VASH1: variants seen among roughly 807,000 people sequenced by gnomAD.
The protein encoded by VASH1 is vasohibin 1, also known as tubulinyl-Tyr carboxypeptidase 1.
Under a neutral mutation model 35.0 loss-of-function variants are expected in VASH1, and 16 were observed. That is an observed-to-expected ratio of 0.46 (90% CI 0.31 to 0.70). The LOEUF (loss-of-function observed/expected upper bound fraction) is 0.70. VASH1 is among the 30% of genes least tolerant of loss of function. The pLI is 0.05. For synonymous variants in VASH1, 214 were observed against 200.9 expected (o/e 1.07, Z -0.55); for missense variants, 505 against 510.7 (o/e 0.99, Z 0.11).
Position 76,761,739 on chromosome 14 carries a change from G to A in VASH1, c.-1083G>A, listed in dbSNP as rs921348652. 8.6e-5 allele frequency among the ~76,000 whole-genome samples: 13 copies of A among 151,878 alleles called. No individual in the cohort carries two copies. The highest frequency in any genetic ancestry group is 2.1e-4 in the South Asian group (1 of 4,834). On this transcript the variant is annotated 5_prime_UTR_variant, in exon 1 of 7. Transcript: ENST00000167106. ...CCGGGCTTGCGGTCCCCGCCCCGCG[G>A]TCCTTCCTCCACCCTCAGCCAGGGC... is the stretch of plus-strand genomic sequence containing the variant.
intron 3 of VASH1, among the ~76,000 whole-genome samples, chr14:76,772,321 T>G (rs1285578486): frequency 6.6e-6 from 1 of 152,244 alleles, no homozygotes; most frequent in Non-Finnish European, 1.5e-5. Context: ...TTTGCTTCTT[T>G]GTGAAAATGC....
rs1894029087 is a variant in VASH1, at chr14:76,779,088, T to C, written c.*70T>C. 2.6e-6 allele frequency: 4 copies of C among 1,530,958 alleles called. No individual in the cohort carries two copies. The highest frequency in any genetic ancestry group is 3.6e-6 in the Non-Finnish European group (4 of 1,108,558). 94.8% of individuals were successfully genotyped at this position (1,530,958 alleles called of 1,614,324 possible). A position where few individuals can be genotyped will look rare whatever the true frequency, so the allele number is the denominator to read the frequency against. On this transcript the variant is annotated 3_prime_UTR_variant, in exon 7 of 7. Transcript: ENST00000167106. ...GATCCACCTGCTGGAACCAGCCTTA[T>C]GCATGGGGAAGGCGGGGCTGGTGAC...
chr14:76,779,056 G>C lies in VASH1; in HGVS notation c.*38G>C, dbSNP rs780783241. 2.5e-6 allele frequency: 4 copies of C among 1,609,150 alleles called. No homozygotes were observed. In the East Asian group the frequency reaches 8.9e-5, roughly 36 times the overall value. Reference sequence around the variant, plus strand: ...CACCCCAGGCCCCACCCACTCTTGGGGGCCAGGATCCACCTGCTGGAACCA... The same window carrying C: ...CACCCCAGGCCCCACCCACTCTTGGCGGCCAGGATCCACCTGCTGGAACCA... On this transcript the variant is annotated 3_prime_UTR_variant, in exon 7 of 7. Coordinates refer to ENST00000167106, the MANE Select transcript of VASH1 (RefSeq NM_014909.5).
intron 1 of VASH1, among the ~76,000 whole-genome samples, chr14:76,765,271 A>T (rs1006760033): frequency 6.6e-6 from 1 of 152,224 alleles, no homozygotes; most frequent in South Asian, 2.1e-4. Context: ...TGTACAGGAA[A>T]GACACGGATG....
intron 4 of VASH1, chr14:76,773,946 T>C (rs1329174537): frequency 6.6e-6 from 1 of 152,258 alleles, no homozygotes; most frequent in Non-Finnish European, 1.5e-5. Flanking sequence ...GTTACTCAGC[T>C]TCACCAACTC....
At chr14:76,770,423 T>C (rs1342915206) in intron 2 of VASH1, among the ~76,000 whole-genome samples, 1 of 152,102 alleles carries the variant, frequency 6.6e-6, no homozygotes, top group African/African-American at 2.4e-5. Flanking sequence ...GGAGCTGCCT[T>C]GGGGCTTTTA....
intron 1 of VASH1, among the ~76,000 whole-genome samples, chr14:76,767,497 G>A (rs560640366): frequency 3.9e-5 from 6 of 152,248 alleles, no homozygotes; most frequent in East Asian, 1.9e-4. Flanking sequence ...TCCTGGAGCC[G>A]GGGGAATCCT....
intron 4 of VASH1, chr14:76,774,416 TC>T (rs1031840953): frequency 2.0e-5 from 3 of 152,150 alleles, no homozygotes; most frequent in Non-Finnish European, 4.4e-5. Flanking sequence ...CGTTCACTTC[TC>T]CCTCAGGGGT....
intron 1 of VASH1, among the ~76,000 whole-genome samples, chr14:76,763,818 C>T (rs1026502984): frequency 9.8e-4 from 150 of 152,304 alleles, no homozygotes; most frequent in African/African-American, 3.4e-3. Flanking sequence ...TGTAACTCCT[C>T]CTCCATGACA....
At chr14:76,777,328 A>G (rs1319863949) in intron 5 of VASH1, among the ~76,000 whole-genome samples, 4 of 152,130 alleles carry the variant, frequency 2.6e-5, no homozygotes, top group Non-Finnish European at 4.4e-5. Flanking sequence ...CTTGCTCCTC[A>G]GTTTGCTATT....
At chr14:76,767,119 C>G (rs780400412) in intron 1 of VASH1, among the ~76,000 whole-genome samples, 18 of 151,964 alleles carry the variant, frequency 1.2e-4, no homozygotes, top group Non-Finnish European at 2.1e-4. Context: ...GTGGTGCATG[C>G]CTGTGATCCT....
rs748632716 is a variant in VASH1 at position 76,776,095 on chromosome 14, C to T, written c.734C>T (p.Ala245Val). Residue 245 changes from alanine (A) to valine (V), a missense_variant, in exon 5 of 7, where the codon GCC becomes GTC. Coordinates refer to ENST00000167106, the MANE Select transcript of VASH1 (RefSeq NM_014909.5). ...TLSELVLDFE[A>V]AYGRCWHVLK... ...AGCGAGCTCGTGCTGGACTTCGAGG[C>T]CGCCTACGGCCGCTGCTGGCACGTG... 3 of 1,608,520 alleles carry T rather than the reference C, an allele frequency of 1.9e-6. No individual in the cohort carries two copies. The highest frequency in any genetic ancestry group is 4.5e-5 in the East Asian group (2 of 44,824).
At position 76,778,087 on chromosome 14, in the gene VASH1, CG is replaced by C. The variant is rs1893995911; in HGVS notation, c.1025+17del. 1 of 1,440,374 alleles carries C rather than the reference CG, an allele frequency of 6.9e-7. No individual in the cohort carries two copies. The highest frequency in any genetic ancestry group is 3.3e-5 in the Admixed American group (1 of 30,710). The allele number at this position is 1,440,374 out of a possible 1,614,324, so 89.2% of individuals were successfully genotyped here. ...GTGAAAGACGGTGAGAGAGGGACCA[CG>C]CCTGGGTGGGTCCAAAGAGGGTTTT... On this transcript the variant is annotated intron_variant, in intron 6 of 6. Coordinates refer to ENST00000167106, the MANE Select transcript of VASH1 (RefSeq NM_014909.5).
intron 1 of VASH1, among the ~76,000 whole-genome samples, chr14:76,766,789 A>G (rs1052410032): frequency 6.6e-6 from 1 of 152,206 alleles, no homozygotes; most frequent in Non-Finnish European, 1.5e-5. Flanking sequence ...AGCATGTGCG[A>G]GGCACACTGA....
At chr14:76,770,208 G>T (rs117540966) in intron 2 of VASH1, among the ~76,000 whole-genome samples, 157 bp downstream of exon 2, 6,255 of 152,264 alleles carry the variant, frequency 0.041, 187 homozygotes, top group Non-Finnish European at 0.062. Flanking sequence ...GCTGTGGGAC[G>T]CGGCGCGTGT....
intron 4 of VASH1, chr14:76,774,161 C>T (rs934054831): frequency 7.2e-5 from 11 of 152,152 alleles, no homozygotes; most frequent in African/African-American, 2.7e-4. Flanking sequence ...GGACTGTGAT[C>T]CAGGGGTCCA....
In VASH1 at chr14:76,780,878, C is replaced by T. The variant is rs1025888291; in HGVS notation, c.*1860C>T. On this transcript the variant is annotated 3_prime_UTR_variant, in exon 7 of 7. Transcript: ENST00000167106. ...CGGGCTGTAGCAAAGTCCTGTTTCT[C>T]AGAGCTGGGCTGGGCTGGGGTAGGA... 17 of 152,250 alleles carry T rather than the reference C, an allele frequency of 1.1e-4. No homozygotes were observed. The highest frequency in any genetic ancestry group is 4.1e-4 in the African/African-American group (17 of 41,448). The allele number at this position is 152,250 out of a possible 1,614,324, so 9.4% of individuals were successfully genotyped here. A position where few individuals can be genotyped will look rare whatever the true frequency, so the allele number is the denominator to read the frequency against.
chr14:76,772,016 C>T (rs1252413461), intron 3 of VASH1, among the ~76,000 whole-genome samples: 4 of 152,090 alleles, frequency 2.6e-5, no homozygotes, highest in East Asian at 1.9e-4. Flanking sequence ...CCGAGGTGGG[C>T]GGATCATGAG....
In VASH1 at chr14:76,763,129, A is replaced by G. The variant is rs149851929; in HGVS notation, c.308A>G (p.Lys103Arg). 20 of 1,467,406 alleles carry G rather than the reference A, an allele frequency of 1.4e-5. No homozygotes were observed. The highest frequency in any genetic ancestry group is 2.5e-5 in the East Asian group (1 of 39,660). 90.9% of individuals were successfully genotyped at this position (1,467,406 alleles called of 1,614,324 possible). The change falls in exon 1 of 7, where the codon AAG becomes AGG. Residue 103 changes from lysine to arginine, a missense_variant and splice_region_variant. Lys to Arg is a conservative substitution (Grantham distance 26, BLOSUM62 2). Transcript: ENST00000167106. Reference sequence around the variant, plus strand: ...ATCCGTGGGGCCACAGACCTGCCCAAGGTGAGACACACGGGTCAGGGGGGT... The same window carrying G: ...ATCCGTGGGGCCACAGACCTGCCCAGGGTGAGACACACGGGTCAGGGGGGT... ...QRIRGATDLP[K>R]IPIPSVPTFQ...
Sources: gnomAD v4.1 joint callset for allele counts (sites outside exome capture counted in the v4.1 genomes callset) on GRCh38, gnomAD v4.1.1 for gene constraint, MANE v1.5 for transcripts, NCBI Gene and HGNC (gene_info 2026-07-23, HGNC 2026-07-21) for gene names.